Variants in DAW1 observed in about 807,000 individuals in gnomAD.
DAW1 encodes the protein dynein assembly factor with WD repeats 1.
DAW1 carries 47 observed loss-of-function variants against 56.5 expected under a neutral mutation model. The ratio of observed to expected loss-of-function variants is 0.83; its 90% CI spans 0.66 to 1.06. The LOEUF is 1.06. Among genes scored for constraint, DAW1 ranks in the 50% least tolerant of loss-of-function variants. DAW1 has a pLI of 0.00. For missense variants in DAW1, 505 were observed against 499.3 expected (o/e 1.01, Z -0.11); for synonymous variants, 190 against 179.0 (o/e 1.06, Z -0.49).
At chr2:227,906,469 G>T in intron 9 of DAW1, 131 bp downstream of exon 9, 1 of 702,092 alleles carries the variant, frequency 1.4e-6, no homozygotes, top group Non-Finnish European at 2.0e-6. Flanking sequence ...AAAAATAGTT[G>T]GTAATTTTTA....
At chr2:227,918,187 C>CATCCATCCATCCATCCATCCGT in intron 10 of DAW1, among the ~76,000 whole-genome samples, 1 of 96,190 alleles carries the variant, frequency 1.0e-5, no homozygotes, top group Middle Eastern at 6.5e-3. Flanking sequence ...ATCCATCCAT[C>CATCCATCCATCCATCCATCCGT]CATCCATCCA....
chr2:227,906,128 A>C lies in DAW1; in HGVS notation c.756-108A>C, dbSNP rs1334837656. ...TTGTCATCAAATATATTATTTTGTA[A>C]AAACCAGATTTTAGATTAGCTTACA... On this transcript the variant is annotated intron_variant, in intron 8 of 12. Coordinates refer to ENST00000309931, the MANE Select transcript of DAW1 (RefSeq NM_178821.3). 5.3e-6 allele frequency: 4 copies of C among 750,480 alleles called. No individual in the cohort carries two copies. The Admixed American group carries it at 1.2e-4, about 22-fold the overall frequency. The allele number at this position is 750,480 out of a possible 1,614,324, so 46.5% of individuals were successfully genotyped here.
intron 1 of DAW1, among the ~76,000 whole-genome samples, chr2:227,879,999 C>G (rs1427319368): frequency 6.6e-6 from 1 of 152,112 alleles, no homozygotes; most frequent in African/African-American, 2.4e-5. Flanking sequence ...AAAGTAAAAT[C>G]ATTATAATTA....
intron 10 of DAW1, among the ~76,000 whole-genome samples, chr2:227,910,703 A>T (rs537468303): frequency 6.6e-6 from 1 of 152,244 alleles, no homozygotes; most frequent in South Asian, 2.1e-4. Context: ...CTAGGCTACA[A>T]TTAATCTCCA....
chr2:227,875,459 C>T (rs969867799), intron 1 of DAW1, among the ~76,000 whole-genome samples: 1 of 152,176 alleles, frequency 6.6e-6, no homozygotes, highest in African/African-American at 2.4e-5. Flanking sequence ...GCTTCCCTGA[C>T]CTCACCACTT....
Position 227,903,040 on chromosome 2 carries a change from G to C in DAW1, c.579G>C (p.Ala193=). ...LSFNPQSTLV[A]TGSMDTTAKL... ...TTAACCCTCAAAGCACATTGGTGGC[G>C]ACTGGAAGTATGGACACAACAGCCA... Residue 193 remains alanine (A), a synonymous_variant, in exon 7 of 13, where the codon GCG becomes GCC. Transcript: ENST00000309931. 1 of 1,614,142 alleles carries C rather than the reference G, an allele frequency of 6.2e-7. No homozygotes were observed. The highest frequency in any genetic ancestry group is 8.5e-7 in the Non-Finnish European group (1 of 1,180,026).
intron 10 of DAW1, among the ~76,000 whole-genome samples, chr2:227,917,330 A>G (rs2396511): frequency 0.49 from 72,769 of 150,024 alleles, 18,106 homozygotes; most frequent in Middle Eastern, 0.63. Flanking sequence ...GCACTATCTC[A>G]GCTCACTGCA....
intron 5 of DAW1, 128 bp from the exon 6 acceptor site, chr2:227,898,054 A>T (rs1391226039): frequency 1.2e-5 from 5 of 423,302 alleles, no homozygotes; most frequent in Admixed American, 4.6e-5. Flanking sequence ...CACTGAAACA[A>T]ATTTAAGATT....
intron 1 of DAW1, among the ~76,000 whole-genome samples, chr2:227,873,054 C>T (rs1252786634): frequency 6.6e-6 from 1 of 152,134 alleles, no homozygotes; most frequent in East Asian, 1.9e-4. Flanking sequence ...ACTTGTCTAC[C>T]CTCACTATAC....
intron 5 of DAW1, among the ~76,000 whole-genome samples, chr2:227,896,180 A>C (rs1691402856): frequency 6.6e-6 from 1 of 152,172 alleles, no homozygotes; most frequent in Non-Finnish European, 1.5e-5. Flanking sequence ...TATTCCAGAG[A>C]ATGACAGTTT....
chr2:227,899,822 T>G (rs1165974585), intron 6 of DAW1, among the ~76,000 whole-genome samples: 1 of 152,174 alleles, frequency 6.6e-6, no homozygotes, highest in Non-Finnish European at 1.5e-5. Flanking sequence ...ACAAGATACC[T>G]AGAACAGACT....
intron 10 of DAW1, among the ~76,000 whole-genome samples, chr2:227,907,873 C>T (rs1574665421): frequency 6.6e-6 from 1 of 152,314 alleles, no homozygotes; most frequent in South Asian, 2.1e-4. Context: ...TATGATGTTA[C>T]CCTATGTTGG....
chr2:227,907,511 T>C (rs1238473767), intron 10 of DAW1, among the ~76,000 whole-genome samples: 2 of 152,178 alleles, frequency 1.3e-5, no homozygotes, highest in African/African-American at 4.8e-5. Context: ...TTAATATCTG[T>C]ATATGATGCT....
chr2:227,924,067 T>G lies in DAW1; in HGVS notation c.*99T>G. On this transcript the variant is annotated 3_prime_UTR_variant, in exon 13 of 13. Transcript: ENST00000309931. ...CTCTTAATATTTCTTATACTTTCTC[T>G]TTTTCTGCAAGTCAACTATTTCTAC... 7.1e-7 allele frequency: 1 copy of G among 1,413,072 alleles called. No homozygotes were observed. The highest frequency in any genetic ancestry group is 9.8e-7 in the Non-Finnish European group (1 of 1,018,022). 87.5% of individuals were successfully genotyped at this position (1,413,072 alleles called of 1,614,324 possible).
chr2:227,872,858 GC>G (rs1690789826), intron 1 of DAW1, among the ~76,000 whole-genome samples: 1 of 151,986 alleles, frequency 6.6e-6, no homozygotes, highest in South Asian at 2.1e-4. Flanking sequence ...ATTCCCTTTG[GC>G]TGAGCCACTC....
chr2:227,887,284 AAACCC>A (rs1285158760), intron 2 of DAW1, among the ~76,000 whole-genome samples: 20 of 152,352 alleles, frequency 1.3e-4, no homozygotes, highest in Admixed American at 9.8e-4. Flanking sequence ...GCCTAATATC[AAACCC>A]AACCTGTGAT....
At chr2:227,871,833 C>A (rs1349415173) in intron 1 of DAW1, 104 bp downstream of exon 1, 12 of 1,497,984 alleles carry the variant, frequency 8.0e-6, no homozygotes, top group Non-Finnish European at 1.0e-5. Context: ...GCGGCGGGGT[C>A]CCCAGGTGGG....
intron 10 of DAW1, among the ~76,000 whole-genome samples, chr2:227,911,655 C>T (rs912811344): frequency 1.3e-5 from 2 of 152,006 alleles, no homozygotes; most frequent in African/African-American, 4.8e-5. Flanking sequence ...TTTACTTTGT[C>T]TCCCTGATGA....
intron 10 of DAW1, among the ~76,000 whole-genome samples, chr2:227,910,316 A>T (rs746088501): frequency 2.4e-4 from 36 of 152,138 alleles, no homozygotes; most frequent in Non-Finnish European, 4.4e-4. Context: ...AGCTAATTAA[A>T]ACAAAAATTA....
Sources: allele counts gnomAD v4.1 joint callset (sites outside exome capture counted in the v4.1 genomes callset), GRCh38; gene constraint gnomAD v4.1.1; transcripts MANE v1.5; gene names NCBI Gene and HGNC (gene_info 2026-07-23, HGNC 2026-07-21).